SCFD2: variants seen among roughly 807,000 people sequenced by gnomAD.
The protein encoded by SCFD2 is sec1 family domain-containing protein 2.
A neutral mutation model predicts 58.9 loss-of-function variants in SCFD2; 54 were observed. The ratio of observed to expected loss-of-function variants is 0.92; its 90% confidence interval spans 0.74 to 1.15. The LOEUF (loss-of-function observed/expected upper bound fraction) is 1.15, where lower values mean the gene tolerates loss of function less well. Among genes scored for constraint, SCFD2 ranks in the 50% most tolerant of loss-of-function variants. The pLI is 0.00. For missense variants in SCFD2, 805 were observed against 836.6 expected, an observed-to-expected ratio of 0.96 and a Z score of 0.47; for synonymous variants, 321 against 335.9, an observed-to-expected ratio of 0.96 and a Z score of 0.49.
intron 5 of SCFD2, among the ~76,000 whole-genome samples, chr4:53,030,094 A>G (rs1722578347): frequency 6.6e-6 from 1 of 152,204 alleles, no homozygotes; most frequent in African/African-American, 2.4e-5. Flanking sequence ...TAAAGGAATT[A>G]TATCTAGAAA....
chr4:53,275,992 C>A (rs1328006336), intron 3 of SCFD2, among the ~76,000 whole-genome samples: 1 of 151,442 alleles, frequency 6.6e-6, no homozygotes, highest in Non-Finnish European at 1.5e-5. Context: ...TGAATAAAGC[C>A]TTCACAAACA....
chr4:53,173,827 G>C (rs1426937597), intron 4 of SCFD2, among the ~76,000 whole-genome samples: 1 of 152,024 alleles, frequency 6.6e-6, no homozygotes, highest in African/African-American at 2.4e-5. Context: ...GCTTAACTTT[G>C]ATCACATACA....
At chr4:53,217,291 G>C (rs2148990359) in intron 4 of SCFD2, among the ~76,000 whole-genome samples, 1 of 152,286 alleles carries the variant, frequency 6.6e-6, no homozygotes, top group East Asian at 1.9e-4. Flanking sequence ...AAGTCTCTTT[G>C]TAGGTCTCTA....
chr4:53,236,451 G>GATATAT (rs146595901), intron 4 of SCFD2, among the ~76,000 whole-genome samples: 104 of 144,634 alleles, frequency 7.2e-4, no homozygotes, highest in African/African-American at 2.1e-3. Flanking sequence ...CATATATAAG[G>GATATAT]ATATATATAT....
chr4:52,977,032 T>C (rs1195570869), intron 5 of SCFD2, among the ~76,000 whole-genome samples: 1 of 152,086 alleles, frequency 6.6e-6, no homozygotes, highest in Non-Finnish European at 1.5e-5. Context: ...GCCTGACACA[T>C]AGTGAGCTCT....
intron 4 of SCFD2, among the ~76,000 whole-genome samples, chr4:53,187,295 G>A (rs2148954437): frequency 1.3e-5 from 2 of 152,200 alleles, no homozygotes; most frequent in South Asian, 4.1e-4. Flanking sequence ...GCAATGGACA[G>A]CATAGAGAGT....
chr4:53,053,811 T>C (rs749045617), intron 5 of SCFD2, among the ~76,000 whole-genome samples: 13 of 152,210 alleles, frequency 8.5e-5, no homozygotes, highest in Non-Finnish European at 1.9e-4. Flanking sequence ...AAATTTTAAA[T>C]TAATACATAG....
At chr4:53,236,018 T>C (rs1370744457) in intron 4 of SCFD2, among the ~76,000 whole-genome samples, 1 of 152,158 alleles carries the variant, frequency 6.6e-6, no homozygotes, top group Non-Finnish European at 1.5e-5. Flanking sequence ...ATATTGAGTG[T>C]AAACTTGGAT....
chr4:53,002,376 GACGGCACCA>G (rs1400742415), intron 5 of SCFD2, among the ~76,000 whole-genome samples: 2 of 152,160 alleles, frequency 1.3e-5, no homozygotes, highest in South Asian at 2.1e-4. Flanking sequence ...ACCACCACCA[GACGGCACCA>G]ACATTGCTTG....
intron 4 of SCFD2, among the ~76,000 whole-genome samples, chr4:53,262,151 T>A (rs1425931217): frequency 6.6e-6 from 1 of 152,210 alleles, no homozygotes; most frequent in Non-Finnish European, 1.5e-5. Context: ...TCCTTATGTG[T>A]TAGATGAGTC....
intron 5 of SCFD2, among the ~76,000 whole-genome samples, chr4:53,033,010 T>A (rs1722658416): frequency 6.6e-6 from 1 of 152,148 alleles, no homozygotes; most frequent in South Asian, 2.1e-4. Context: ...ATCAACAGAA[T>A]ATATACTCTT....
chr4:53,218,719 T>C (rs1728945215), intron 4 of SCFD2, among the ~76,000 whole-genome samples: 1 of 152,234 alleles, frequency 6.6e-6, no homozygotes, highest in Non-Finnish European at 1.5e-5. Flanking sequence ...AGAGGCGCTC[T>C]GATTTTTAGA....
At chr4:52,943,731 G>A (rs1720350299) in intron 5 of SCFD2, among the ~76,000 whole-genome samples, 1 of 152,014 alleles carries the variant, frequency 6.6e-6, no homozygotes, top group South Asian at 2.1e-4. Flanking sequence ...CTTGAATTTT[G>A]GAGGGGACAC....
chr4:53,191,640 C>T (rs1475558332), intron 4 of SCFD2, among the ~76,000 whole-genome samples: 1 of 152,006 alleles, frequency 6.6e-6, no homozygotes, highest in Admixed American at 6.6e-5. Context: ...CTCCTGGCCT[C>T]GTGATCCACC....
At chr4:53,149,048 G>A (rs1352420828) in intron 4 of SCFD2, among the ~76,000 whole-genome samples, 1 of 152,200 alleles carries the variant, frequency 6.6e-6, no homozygotes, top group African/African-American at 2.4e-5. Flanking sequence ...TGTGGATACA[G>A]ATGGACAAAT....
intron 4 of SCFD2, among the ~76,000 whole-genome samples, chr4:53,250,116 C>A (rs1465515594): frequency 2.0e-5 from 3 of 152,012 alleles, no homozygotes; most frequent in African/African-American, 7.3e-5. Flanking sequence ...ATCTACCAAG[C>A]AAATGGAAAA....
At chr4:53,073,515 C>T (rs996231396) in intron 5 of SCFD2, among the ~76,000 whole-genome samples, 1 of 152,152 alleles carries the variant, frequency 6.6e-6, no homozygotes, top group African/African-American at 2.4e-5. Context: ...GCATACCAAA[C>T]ATTCCAAGCC....
At chr4:52,933,861 G>A (rs1457172161) in intron 5 of SCFD2, among the ~76,000 whole-genome samples, 11 of 152,198 alleles carry the variant, frequency 7.2e-5, no homozygotes, top group African/African-American at 2.4e-4. Flanking sequence ...TGAGGGAGGA[G>A]CCCTCGGAGT....
At chr4:53,235,312 C>T (rs1489970212) in intron 4 of SCFD2, among the ~76,000 whole-genome samples, 1 of 152,220 alleles carries the variant, frequency 6.6e-6, no homozygotes, top group Non-Finnish European at 1.5e-5. Flanking sequence ...AGATATCTCT[C>T]CAGACTCTGG....
Sources: gnomAD v4.1 joint callset for allele counts (sites outside exome capture counted in the v4.1 genomes callset) on GRCh38, gnomAD v4.1.1 for gene constraint, MANE v1.5 for transcripts, NCBI Gene and HGNC (gene_info 2026-07-23, HGNC 2026-07-21) for gene names.